GABRB2: variants seen among roughly 807,000 people sequenced by gnomAD.
GABRB2 encodes the protein gamma-aminobutyric acid type A receptor subunit beta2.
Under a neutral mutation model 54.7 loss-of-function variants are expected in GABRB2, and 16 were observed. The ratio of observed to expected loss-of-function variants is 0.29; its 90% CI spans 0.20 to 0.44. The LOEUF (loss-of-function observed/expected upper bound fraction) is 0.44. GABRB2 is among the 20% of genes least tolerant of loss of function. The probability of loss-of-function intolerance (pLI) is 1.00; values close to 1 mark genes in which losing one functional copy is unlikely to be tolerated. For missense variants in GABRB2, 355 were observed against 644.0 expected (o/e 0.55, Z 4.86); for synonymous variants, 244 against 233.8 (o/e 1.04, Z -0.40).
At chr5:161,470,594 T>C (rs943233116) in intron 3 of GABRB2, among the ~76,000 whole-genome samples, 1 of 151,838 alleles carries the variant, frequency 6.6e-6, no homozygotes, top group African/African-American at 2.4e-5. Context: ...TACTGAGTGA[T>C]GAACAGGCAG....
intron 9 of GABRB2, among the ~76,000 whole-genome samples, chr5:161,301,595 G>T (rs1425673436): frequency 6.6e-6 from 1 of 152,088 alleles, no homozygotes; most frequent in Non-Finnish European, 1.5e-5. Flanking sequence ...GTTAGTAGTT[G>T]AAACAAGAGG....
chr5:161,511,043 G>A lies in GABRB2; in HGVS notation c.237+34184C>T, dbSNP rs571640136. 1.7e-3 allele frequency among the ~76,000 whole-genome samples: 264 copies of A among 152,018 alleles called. 1 individual carries two copies. The highest frequency in any genetic ancestry group is 6.1e-3 in the African/African-American group (252 of 41,520). ...GTACCCATACTAATAATTGATCACA[G>A]TATAGTTTTAAAGAAAAATAAAAAT... is the stretch of plus-strand genomic sequence containing the variant. On this transcript the variant is annotated intron_variant, in intron 3 of 9. Transcript: ENST00000393959.
chr5:161,358,678 T>C (rs13185240), intron 5 of GABRB2, among the ~76,000 whole-genome samples: 3,281 of 151,998 alleles, frequency 0.022, 56 homozygotes, highest in Non-Finnish European at 0.034. Context: ...GGTAGGTGGG[T>C]AGAGGTAGTG....
At chr5:161,318,356 T>G (rs1434752083) in intron 9 of GABRB2, among the ~76,000 whole-genome samples, 1 of 152,024 alleles carries the variant, frequency 6.6e-6, no homozygotes, top group Non-Finnish European at 1.5e-5. Context: ...TCTGCCTATT[T>G]TTAGAAAAAT....
rs149850311 is a variant in GABRB2, at chr5:161,383,856, C to T, written c.541+27119G>A. On this transcript the variant is annotated intron_variant, in intron 5 of 9. Coordinates refer to ENST00000393959, the MANE Select transcript of GABRB2 (RefSeq NM_001371727.1). ...TTGACAAGGTTACAAGCAAAAATTG[C>T]TTAAAGTATGTATGTATAGATAGAT... Among the ~76,000 whole-genome samples the T allele has an allele frequency of 3.3e-5, 5 of 152,240 alleles. No individual in the cohort carries two copies. The East Asian group carries it at 7.7e-4, about 23-fold the overall frequency.
chr5:161,545,177 G>A, intron 3 of GABRB2, 50 bp downstream of exon 3: 1 of 1,422,330 alleles, frequency 7.0e-7, no homozygotes, highest in East Asian at 2.6e-5. Context: ...TCTCCTTCCT[G>A]TCCCCAAACG....
chr5:161,395,575 A>T (rs965627781), intron 5 of GABRB2, among the ~76,000 whole-genome samples: 1 of 152,196 alleles, frequency 6.6e-6, no homozygotes, highest in Non-Finnish European at 1.5e-5. Flanking sequence ...CAATTGTGCA[A>T]ACTCCTGTGA....
At chr5:161,417,877 G>A (rs1756726223) in intron 4 of GABRB2, among the ~76,000 whole-genome samples, 1 of 152,096 alleles carries the variant, frequency 6.6e-6, no homozygotes, top group South Asian at 2.1e-4. Context: ...ATGCATAAAT[G>A]TTTTTAAAAG....
intron 3 of GABRB2, among the ~76,000 whole-genome samples, chr5:161,476,036 A>G (rs562942957): frequency 6.6e-6 from 1 of 152,122 alleles, no homozygotes; most frequent in African/African-American, 2.4e-5. Flanking sequence ...CAATATGTAG[A>G]AAATCCTAAA....
chr5:161,358,755 A>G (rs1175568135), intron 5 of GABRB2, among the ~76,000 whole-genome samples: 1 of 152,158 alleles, frequency 6.6e-6, no homozygotes, highest in African/African-American at 2.4e-5. Context: ...CAAGTTCATT[A>G]GCTGAGAGTG....
In GABRB2 at chr5:161,327,429, A is replaced by G. The variant is rs73797570; in HGVS notation, c.1078-948T>C. On this transcript the variant is annotated intron_variant, in intron 8 of 9. Coordinates refer to ENST00000393959, the MANE Select transcript of GABRB2 (RefSeq NM_001371727.1). The stretch of plus-strand genomic sequence containing the variant: ...TTTTTGCCAGCACACTTTTATGTAC[A>G]CTGGAGAAGGATAGAAAAATCCATA... 4.0e-3 allele frequency among the ~76,000 whole-genome samples: 613 copies of G among 151,934 alleles called. 6 individuals carry two copies. Among genetic ancestry groups the G allele is most frequent in the African/African-American group, 0.013 (545 of 41,402 alleles).
chr5:161,472,644 T>A (rs957511922), intron 3 of GABRB2, among the ~76,000 whole-genome samples: 2 of 151,898 alleles, frequency 1.3e-5, no homozygotes, highest in Non-Finnish European at 2.9e-5. Context: ...TACATAAACT[T>A]TGTGTTAAAT....
chr5:161,460,330 T>C (rs1758085357), intron 3 of GABRB2, among the ~76,000 whole-genome samples: 1 of 152,082 alleles, frequency 6.6e-6, no homozygotes, highest in African/African-American at 2.4e-5. Flanking sequence ...AAACATATAC[T>C]GTTCACATAT....
intron 3 of GABRB2, among the ~76,000 whole-genome samples, chr5:161,460,268 A>ATATG (rs1473728574): frequency 7.3e-4 from 109 of 148,666 alleles, no homozygotes; most frequent in African/African-American, 1.8e-3. Flanking sequence ...TTATATATAT[A>ATATG]TGTGTGTGTG....
chr5:161,376,065 T>G (rs1296411571), intron 5 of GABRB2, among the ~76,000 whole-genome samples: 1 of 152,158 alleles, frequency 6.6e-6, no homozygotes, highest in Admixed American at 6.6e-5. Flanking sequence ...CCCTCAGGAT[T>G]TAGCCACATA....
rs1348071716 is a variant in GABRB2, at chr5:161,326,454, C to T, written c.1105G>A (p.Gly369Arg). 1 of 1,613,310 alleles carries T rather than the reference C, an allele frequency of 6.2e-7. No individual in the cohort carries two copies. The highest frequency in any genetic ancestry group is 8.5e-7 in the Non-Finnish European group (1 of 1,179,550). Residue 369 changes from glycine to arginine, a missense_variant, in exon 9 of 10, where the codon GGG becomes AGG. By Grantham distance (125) the Gly-to-Arg change is moderately radical. Transcript: ENST00000393959. ...KIFYKDIKQN[G>R]TQYRSLWDPT... ...TCCCACAAGGATCGATATTGGGTCC[C>T]ATTTTGTTTAATATCTTTATAAAAA...
intron 3 of GABRB2, among the ~76,000 whole-genome samples, chr5:161,465,638 C>CT (rs1216403711): frequency 6.6e-6 from 1 of 151,908 alleles, no homozygotes; most frequent in Non-Finnish European, 1.5e-5. Context: ...TGTTTCTTAT[C>CT]TTTTTTAAGT....
At chr5:161,316,004 T>C (rs1345135345) in intron 9 of GABRB2, among the ~76,000 whole-genome samples, 1 of 152,198 alleles carries the variant, frequency 6.6e-6, no homozygotes, top group African/African-American at 2.4e-5. Context: ...ATACTCTTTG[T>C]AAGTGTATAT....
At chr5:161,306,616 C>T (rs1332144405) in intron 9 of GABRB2, among the ~76,000 whole-genome samples, 1 of 152,064 alleles carries the variant, frequency 6.6e-6, no homozygotes, top group Non-Finnish European at 1.5e-5. Flanking sequence ...CTACAGATTC[C>T]GAGTTACATT....
Sources: allele counts gnomAD v4.1 joint callset (sites outside exome capture counted in the v4.1 genomes callset), GRCh38; gene constraint gnomAD v4.1.1; transcripts MANE v1.5; gene names NCBI Gene and HGNC (gene_info 2026-07-23, HGNC 2026-07-21).